Variants in CNTLN observed in about 807,000 individuals in gnomAD.
The protein encoded by CNTLN is centlein, also known as centlein, centrosomal protein.
A neutral mutation model predicts 180.0 loss-of-function variants in CNTLN; 212 were observed. The observed-to-expected ratio is 1.18, with a 90% CI of 1.05 to 1.32. The LOEUF is 1.32. CNTLN is among the 40% of genes most tolerant of loss of function. The pLI is 0.00. For missense variants in CNTLN, 2,095 were observed against 1,610.9 expected, an observed-to-expected ratio of 1.30 and a Z score of -5.14; for synonymous variants, 722 against 563.1, an observed-to-expected ratio of 1.28 and a Z score of -3.99.
chr9:17,471,303 C>G (rs888468628), intron 23 of CNTLN, among the ~76,000 whole-genome samples: 1 of 151,900 alleles, frequency 6.6e-6, no homozygotes, highest in Non-Finnish European at 1.5e-5. Context: ...CTAAAAATGA[C>G]ATGTATCGCA....
chr9:17,315,020 C>G (rs1259896566), intron 8 of CNTLN, among the ~76,000 whole-genome samples: 2 of 152,054 alleles, frequency 1.3e-5, no homozygotes. Context: ...CTATTTTACC[C>G]CATAAAATAT....
chr9:17,464,986 A>T (rs796487912), intron 21 of CNTLN, among the ~76,000 whole-genome samples: 3 of 151,356 alleles, frequency 2.0e-5, no homozygotes, highest in African/African-American at 7.2e-5. Flanking sequence ...ACCTATAACT[A>T]TCAGAAGTTC....
chr9:17,297,617 T>C (rs779536033), intron 6 of CNTLN, among the ~76,000 whole-genome samples: 1 of 152,210 alleles, frequency 6.6e-6, no homozygotes, highest in Non-Finnish European at 1.5e-5. Context: ...ACTGGATTTT[T>C]CTTGTGACTT....
At chr9:17,216,468 G>T (rs1823761414) in intron 2 of CNTLN, among the ~76,000 whole-genome samples, 1 of 152,062 alleles carries the variant, frequency 6.6e-6, no homozygotes, top group Non-Finnish European at 1.5e-5. Flanking sequence ...ATGATTTTTA[G>T]ATTTTATTGA....
chr9:17,247,834 CT>C lies in CNTLN; in HGVS notation c.849+11261del, dbSNP rs1217713916. Among the ~76,000 whole-genome samples, 572 of 95,450 alleles carry C rather than the reference CT, an allele frequency of 6.0e-3. 1 individual carries two copies. Among genetic ancestry groups the C allele is most frequent in the Non-Finnish European group, 9.4e-3 (434 of 46,018 alleles). The allele number at this position is 95,450 out of a possible 152,430, so 62.6% of individuals were successfully genotyped here. On this transcript the variant is annotated intron_variant, in intron 5 of 25. Coordinates refer to ENST00000380647, the MANE Select transcript of CNTLN (RefSeq NM_017738.4). ...TGATCATGTGGTTTCTCTGTTCTTT[CT>C]TTTTTTTTTTTTTTGAGACAGGGTC...
At chr9:17,254,842 A>AT (rs1826375253) in intron 5 of CNTLN, among the ~76,000 whole-genome samples, 1 of 151,726 alleles carries the variant, frequency 6.6e-6, no homozygotes, top group Non-Finnish European at 1.5e-5. Flanking sequence ...TGGGATATTG[A>AT]TAAAGAGTGC....
intron 2 of CNTLN, among the ~76,000 whole-genome samples, chr9:17,189,834 A>C (rs767002536): frequency 6.6e-6 from 1 of 151,984 alleles, no homozygotes; most frequent in Non-Finnish European, 1.5e-5. Flanking sequence ...AATTTCTTGA[A>C]TATTACGAGG....
intron 10 of CNTLN, among the ~76,000 whole-genome samples, chr9:17,335,835 A>C (rs371685349): frequency 2.0e-5 from 3 of 151,332 alleles, no homozygotes; most frequent in African/African-American, 7.3e-5. Context: ...CCAGCTACTC[A>C]GTAGGCTGAG....
At chr9:17,424,374 A>G (rs1828938983) in intron 18 of CNTLN, among the ~76,000 whole-genome samples, 1 of 152,204 alleles carries the variant, frequency 6.6e-6, no homozygotes, top group Non-Finnish European at 1.5e-5. Context: ...TAAGACTAAC[A>G]GGATGTAAAT....
At chr9:17,397,135 ATAGT>A (rs1157626441) in intron 15 of CNTLN, among the ~76,000 whole-genome samples, 4 of 152,128 alleles carry the variant, frequency 2.6e-5, no homozygotes, top group Admixed American at 1.3e-4. Flanking sequence ...TAAATAATCA[ATAGT>A]TAGGTAATTC....
At chr9:17,191,321 C>A (rs927542791) in intron 2 of CNTLN, among the ~76,000 whole-genome samples, 4 of 152,168 alleles carry the variant, frequency 2.6e-5, no homozygotes, top group Non-Finnish European at 5.9e-5. Context: ...GAATGTAAGG[C>A]AATCTAACAT....
chr9:17,205,730 G>T (rs553874970), intron 2 of CNTLN, among the ~76,000 whole-genome samples: 2 of 152,142 alleles, frequency 1.3e-5, no homozygotes, highest in African/African-American at 4.8e-5. Flanking sequence ...ATGGTTAATC[G>T]GGAGTAAAGA....
intron 2 of CNTLN, among the ~76,000 whole-genome samples, chr9:17,219,256 C>G (rs1022123839): frequency 6.7e-6 from 1 of 149,116 alleles, no homozygotes; most frequent in South Asian, 2.1e-4. Context: ...TTTTAAGGAA[C>G]CTTTTTTTTT....
At chr9:17,173,373 A>G (rs923851694) in intron 2 of CNTLN, among the ~76,000 whole-genome samples, 8 of 152,178 alleles carry the variant, frequency 5.3e-5, no homozygotes, top group African/African-American at 1.9e-4. Context: ...GTGCGTATGC[A>G]TATTTAATTT....
In CNTLN at chr9:17,405,595, G is replaced by T. The variant is rs140860634; in HGVS notation, c.2616-3698G>T. Among the ~76,000 whole-genome samples, 3 of 151,560 alleles carry T rather than the reference G, an allele frequency of 2.0e-5. 1 individual carries two copies. Among genetic ancestry groups the T allele is most frequent in the Non-Finnish European group, 4.4e-5 (3 of 68,002 alleles). Reference sequence around the variant, plus strand: ...CTCATGATCTAATCACCTCTTATTAGATTCCACCTCCCAACACTGTTGCAC... The same window carrying T: ...CTCATGATCTAATCACCTCTTATTATATTCCACCTCCCAACACTGTTGCAC... On this transcript the variant is annotated intron_variant, in intron 15 of 25. Coordinates refer to ENST00000380647, the MANE Select transcript of CNTLN (RefSeq NM_017738.4).
chr9:17,189,347 T>G (rs1051519096), intron 2 of CNTLN, among the ~76,000 whole-genome samples: 1 of 151,406 alleles, frequency 6.6e-6, no homozygotes, highest in Non-Finnish European at 1.5e-5. Context: ...CTCCCAAAGT[T>G]CTGGGATTAC....
chr9:17,518,198 C>A, the CNTLN span, among the ~76,000 whole-genome samples: 1 of 151,760 alleles, frequency 6.6e-6, no homozygotes, highest in Non-Finnish European at 1.5e-5. Flanking sequence ...CAGATGTGCA[C>A]CACCACACCC....
intron 8 of CNTLN, among the ~76,000 whole-genome samples, chr9:17,319,164 G>A (rs1819739829): frequency 6.6e-6 from 1 of 152,210 alleles, no homozygotes; most frequent in South Asian, 2.1e-4. Context: ...CTGGTTTCTT[G>A]TCAGAAGCGC....
rs565627063 is a variant in CNTLN, at chr9:17,422,752, G to A, written c.3114+6563G>A. 2.7e-4 allele frequency among the ~76,000 whole-genome samples: 41 copies of A among 152,180 alleles called. No homozygotes were observed. The East Asian group carries it at 7.2e-3, about 27-fold the overall frequency. On this transcript the variant is annotated intron_variant, in intron 18 of 25. Transcript: ENST00000380647. ...TCATTTATTGAGGTCATGTTTTCCCGAGTGTTTTTGTTGCTTGTGGATGTT... is the reference window on the plus strand; with the variant it reads ...TCATTTATTGAGGTCATGTTTTCCCAAGTGTTTTTGTTGCTTGTGGATGTT...
Sources: allele counts gnomAD v4.1 joint callset (sites outside exome capture counted in the v4.1 genomes callset), GRCh38; gene constraint gnomAD v4.1.1; transcripts MANE v1.5; gene names NCBI Gene and HGNC (gene_info 2026-07-23, HGNC 2026-07-21).